GALNT13: variants seen among roughly 807,000 people sequenced by gnomAD.
The protein encoded by GALNT13 is polypeptide N-acetylgalactosaminyltransferase 13.
In GALNT13, 28 loss-of-function variants were observed where a neutral mutation model predicts 64.2. The observed-to-expected ratio is 0.44, with a 90% CI of 0.32 to 0.60. The LOEUF (loss-of-function observed/expected upper bound fraction) is 0.60. GALNT13 is among the 20% of genes least tolerant of loss of function. The pLI is 0.05. For missense variants in GALNT13, 577 were observed against 669.8 expected (o/e 0.86, Z 1.53); for synonymous variants, 214 against 224.6 (o/e 0.95, Z 0.42).
chr2:153,566,348 G>GTTT, the GALNT13 span, among the ~76,000 whole-genome samples: 29 of 74,790 alleles, frequency 3.9e-4, no homozygotes, highest in Non-Finnish European at 6.5e-4. Flanking sequence ...TTCTAATCAC[G>GTTT]TTTTTTTTTT....
At chr2:153,169,758 T>C in the GALNT13 span, among the ~76,000 whole-genome samples, 5 of 152,242 alleles carry the variant, frequency 3.3e-5, no homozygotes, top group Admixed American at 6.5e-5. Context: ...AGTGCATTAT[T>C]TTCTTTGTCT....
In GALNT13 at chr2:153,913,604, G is replaced by A. The variant is rs143984292; in HGVS notation, c.-105+12597G>A. On this transcript the variant is annotated intron_variant, in intron 2 of 12. Coordinates refer to ENST00000392825, the MANE Select transcript of GALNT13 (RefSeq NM_052917.4). ...TTCTAAGTTACTCTTTCTGCCAACTGAAGGGTCCATGGTGGTAGAGGGGTT... is the reference window on the plus strand; with the variant it reads ...TTCTAAGTTACTCTTTCTGCCAACTAAAGGGTCCATGGTGGTAGAGGGGTT... Among the ~76,000 whole-genome samples, 616 of 152,282 alleles carry A rather than the reference G, an allele frequency of 4.0e-3. 3 individuals carry two copies. Among genetic ancestry groups the A allele is most frequent in the African/African-American group, 0.014 (589 of 41,556 alleles).
the GALNT13 span, among the ~76,000 whole-genome samples, chr2:153,629,749 CT>C: frequency 6.6e-6 from 1 of 150,434 alleles, no homozygotes; most frequent in Admixed American, 6.6e-5. Context: ...ACCTACTCAT[CT>C]GACAAAGGGC....
the GALNT13 span, among the ~76,000 whole-genome samples, chr2:153,501,916 G>A: frequency 1.3e-5 from 2 of 151,952 alleles, no homozygotes; most frequent in South Asian, 2.1e-4. Flanking sequence ...CCTTAGCCAC[G>A]CCAAATGGCC....
the GALNT13 span, among the ~76,000 whole-genome samples, chr2:153,841,420 T>C: frequency 6.6e-6 from 1 of 152,200 alleles, no homozygotes; most frequent in Non-Finnish European, 1.5e-5. Context: ...TAGCTAATAT[T>C]GACTAAGCAC....
At chr2:153,299,379 T>A in the GALNT13 span, among the ~76,000 whole-genome samples, 1 of 152,144 alleles carries the variant, frequency 6.6e-6, no homozygotes, top group Non-Finnish European at 1.5e-5. Context: ...AAATCACTTA[T>A]AAAAGAATGG....
intron 9 of GALNT13, among the ~76,000 whole-genome samples, chr2:154,393,987 A>G (rs1698929410): frequency 7.1e-6 from 1 of 141,504 alleles, no homozygotes; most frequent in Non-Finnish European, 1.5e-5. Flanking sequence ...CTGAGGCAGG[A>G]GAATGGCGTG....
the GALNT13 span, among the ~76,000 whole-genome samples, chr2:153,281,836 T>TC: frequency 4.0e-5 from 6 of 150,188 alleles, no homozygotes; most frequent in Non-Finnish European, 7.4e-5. Flanking sequence ...TTTTTTTTTT[T>TC]CAGGTTTGAC....
At chr2:153,859,355 G>A in the GALNT13 span, among the ~76,000 whole-genome samples, 1 of 152,086 alleles carries the variant, frequency 6.6e-6, no homozygotes, top group Non-Finnish European at 1.5e-5. Context: ...ATTTTTAACT[G>A]GAATCAATTC....
the GALNT13 span, among the ~76,000 whole-genome samples, chr2:153,676,864 T>C: frequency 3.3e-5 from 5 of 151,980 alleles, no homozygotes; most frequent in Non-Finnish European, 5.9e-5. Context: ...ACCTAACCAT[T>C]GAAGGAACAT....
At chr2:154,118,639 A>G (rs1681751253) in intron 3 of GALNT13, among the ~76,000 whole-genome samples, 1 of 150,750 alleles carries the variant, frequency 6.6e-6, no homozygotes. Flanking sequence ...GTAGTGGTTC[A>G]TGCTTTAAAT....
At chr2:154,234,331 T>C (rs1365648201) in intron 4 of GALNT13, among the ~76,000 whole-genome samples, 1 of 152,172 alleles carries the variant, frequency 6.6e-6, no homozygotes, top group Admixed American at 6.6e-5. Flanking sequence ...TATCATTCCA[T>C]TATAATTTCA....
chr2:153,109,454 T>A, the GALNT13 span, among the ~76,000 whole-genome samples: 2 of 152,042 alleles, frequency 1.3e-5, no homozygotes, highest in Non-Finnish European at 2.9e-5. Context: ...TTTCAGAGAG[T>A]TCAATTGGTT....
the GALNT13 span, among the ~76,000 whole-genome samples, chr2:153,785,577 G>T: frequency 1.3e-5 from 2 of 152,170 alleles, no homozygotes; most frequent in Non-Finnish European, 2.9e-5. Context: ...TGCAGTGGCA[G>T]TGGCAGAGGG....
At chr2:153,374,707 G>C in the GALNT13 span, among the ~76,000 whole-genome samples, 2 of 152,052 alleles carry the variant, frequency 1.3e-5, no homozygotes, top group Admixed American at 6.6e-5. Flanking sequence ...GAGATTAAAG[G>C]AGGGAAGGAG....
the GALNT13 span, among the ~76,000 whole-genome samples, chr2:153,776,277 C>T: frequency 6.6e-6 from 1 of 152,018 alleles, no homozygotes; most frequent in East Asian, 1.9e-4. Flanking sequence ...AAAACTAAGA[C>T]ACAAAAGAGG....
chr2:153,722,991 GAC>G, the GALNT13 span, among the ~76,000 whole-genome samples: 15 of 152,206 alleles, frequency 9.9e-5, 1 homozygote, highest in South Asian at 2.9e-3. Flanking sequence ...GCCGGGCAGA[GAC>G]ACAACCAAAA....
At chr2:153,340,860 A>G in the GALNT13 span, among the ~76,000 whole-genome samples, 2 of 152,146 alleles carry the variant, frequency 1.3e-5, no homozygotes, top group African/African-American at 4.8e-5. Context: ...ACTTTTTAGG[A>G]GAGGCAGCAT....
chr2:153,810,833 A>G, the GALNT13 span, among the ~76,000 whole-genome samples: 1 of 152,224 alleles, frequency 6.6e-6, no homozygotes, highest in African/African-American at 2.4e-5. Context: ...CAGGACACCT[A>G]TTTGTCAAAT....
Sources: gnomAD v4.1 joint callset for allele counts (sites outside exome capture counted in the v4.1 genomes callset) on GRCh38, gnomAD v4.1.1 for gene constraint, MANE v1.5 for transcripts, NCBI Gene and HGNC (gene_info 2026-07-23, HGNC 2026-07-21) for gene names.